The following AKT3 variants were observed in gnomAD, a reference collection of about 807,000 sequenced individuals.
The protein encoded by AKT3 is RAC-gamma serine/threonine-protein kinase.
AKT3 carries 15 observed loss-of-function variants against 65.3 expected under a neutral mutation model. That is an observed-to-expected ratio of 0.23 (90% CI 0.15 to 0.35). AKT3 has a LOEUF of 0.35. Among genes scored for constraint, AKT3 ranks in the 10% least tolerant of loss-of-function variants. The pLI is 1.00. For synonymous variants in AKT3, 206 were observed against 183.8 expected (o/e 1.12, Z -0.98); for missense variants, 243 against 576.5 (o/e 0.42, Z 5.92).
intron 8 of AKT3, among the ~76,000 whole-genome samples, chr1:243,591,273 G>A (rs901855785): frequency 2.6e-5 from 4 of 152,118 alleles, no homozygotes; most frequent in African/African-American, 7.2e-5. Flanking sequence ...TTCTCACATG[G>A]CAAAATAGAA....
chr1:243,743,796 A>C (rs1029836760), intron 2 of AKT3, among the ~76,000 whole-genome samples: 1 of 152,130 alleles, frequency 6.6e-6, no homozygotes. Context: ...GATTGCTTAC[A>C]CCCAGGAGTT....
intron 3 of AKT3, among the ~76,000 whole-genome samples, chr1:243,693,665 G>A (rs998602661): frequency 1.4e-4 from 21 of 152,018 alleles, no homozygotes; most frequent in African/African-American, 4.6e-4. Context: ...CCTATTACTT[G>A]CAGCTTGCGG....
chr1:243,568,802 C>A (rs1275814022), intron 9 of AKT3, among the ~76,000 whole-genome samples: 1 of 152,152 alleles, frequency 6.6e-6, no homozygotes, highest in Non-Finnish European at 1.5e-5. Context: ...AACTCACTGG[C>A]CTGGAAGCTT....
intron 2 of AKT3, among the ~76,000 whole-genome samples, chr1:243,709,322 T>C (rs182502534): frequency 2.0e-5 from 3 of 148,422 alleles, no homozygotes; most frequent in East Asian, 2.0e-4. Context: ...TGAAGGAAGA[T>C]AAAAATTATT....
intron 10 of AKT3, 38 bp from the exon 11 acceptor site, chr1:243,552,981 G>T: frequency 2.8e-6 from 4 of 1,444,178 alleles, no homozygotes; most frequent in Non-Finnish European, 3.8e-6. Flanking sequence ...ATTATTACAT[G>T]TTAACTTTTA....
intron 8 of AKT3, among the ~76,000 whole-genome samples, chr1:243,574,227 C>T (rs1268255711): frequency 6.6e-6 from 1 of 151,936 alleles, no homozygotes; most frequent in Non-Finnish European, 1.5e-5. Context: ...AAACAGGTTC[C>T]CTATAAATTC....
At chr1:243,686,605 C>T (rs1229942860) in intron 3 of AKT3, among the ~76,000 whole-genome samples, 3 of 104,314 alleles carry the variant, frequency 2.9e-5, no homozygotes, top group African/African-American at 1.1e-4. Flanking sequence ...ATTTGGATAG[C>T]ATTTTACAAC....
intron 2 of AKT3, among the ~76,000 whole-genome samples, chr1:243,779,298 G>T (rs1185553574): frequency 6.6e-6 from 1 of 152,014 alleles, no homozygotes; most frequent in Non-Finnish European, 1.5e-5. Flanking sequence ...GATATATATT[G>T]TCAAACCGTC....
chr1:243,659,195 T>C (rs1286556563), intron 4 of AKT3, among the ~76,000 whole-genome samples: 2 of 152,222 alleles, frequency 1.3e-5, no homozygotes, highest in African/African-American at 4.8e-5. Flanking sequence ...TGATTCCACT[T>C]ATGTGATGTG....
intron 3 of AKT3, among the ~76,000 whole-genome samples, chr1:243,671,061 G>A (rs1683122946): frequency 6.6e-6 from 1 of 151,598 alleles, no homozygotes. Flanking sequence ...GAAAAACGAA[G>A]GCATAATAAT....
At chr1:243,695,932 C>G (rs1434010999) in intron 2 of AKT3, among the ~76,000 whole-genome samples, 1 of 151,952 alleles carries the variant, frequency 6.6e-6, no homozygotes, top group Admixed American at 6.6e-5. Context: ...TGATTTCACA[C>G]TTTGATAATT....
chr1:243,540,371 C>T (rs1024598601), intron 12 of AKT3, among the ~76,000 whole-genome samples: 1 of 152,008 alleles, frequency 6.6e-6, no homozygotes, highest in African/African-American at 2.4e-5. Context: ...GCAGAAAAAG[C>T]TTTAATAAAA....
chr1:243,541,092 G>A (rs1054823602), intron 12 of AKT3, among the ~76,000 whole-genome samples: 1 of 152,180 alleles, frequency 6.6e-6, no homozygotes, highest in Non-Finnish European at 1.5e-5. Flanking sequence ...GATATCTTGA[G>A]AGTATGGAAA....
chr1:243,679,250 T>TG (rs894115579), intron 3 of AKT3, among the ~76,000 whole-genome samples: 18 of 152,326 alleles, frequency 1.2e-4, no homozygotes, highest in African/African-American at 4.3e-4. Flanking sequence ...TAGCTAAGTT[T>TG]GGGGGAGTCA....
intron 13 of AKT3, among the ~76,000 whole-genome samples, chr1:243,494,282 A>G (rs1002600525): frequency 6.6e-6 from 1 of 152,218 alleles, no homozygotes; most frequent in Non-Finnish European, 1.5e-5. Context: ...ACACTGATAC[A>G]TTCCCAGAAA....
intron 3 of AKT3, among the ~76,000 whole-genome samples, chr1:243,670,262 G>A (rs969133899): frequency 1.3e-5 from 2 of 152,058 alleles, no homozygotes; most frequent in Non-Finnish European, 2.9e-5. Flanking sequence ...GTGGTAGTTG[G>A]ATCACTACCA....
At chr1:243,541,411 G>A (rs1311536852) in intron 12 of AKT3, among the ~76,000 whole-genome samples, 54 of 145,816 alleles carry the variant, frequency 3.7e-4, no homozygotes, top group Non-Finnish European at 1.5e-5. Context: ...AGCTTGGGCT[G>A]TTTTCTAGGT....
rs1295534938 is a variant in AKT3, at chr1:243,732,816, A to T, written c.47-37100T>A. ...TCCAAACAGCAGCCTTTGAGAGGAG[A>T]ATAGACTGCAAATTTATTGAGAGAA... is the stretch of plus-strand genomic sequence containing the variant. On this transcript the variant is annotated intron_variant, in intron 2 of 13. Transcript: ENST00000673466. Among the ~76,000 whole-genome samples, 3 of 152,214 alleles carry T rather than the reference A, an allele frequency of 2.0e-5. No individual in the cohort carries two copies. The East Asian group carries it at 5.8e-4, about 29-fold the overall frequency.
At chr1:243,837,708 C>G (rs1430616547) in intron 2 of AKT3, among the ~76,000 whole-genome samples, 1 of 152,082 alleles carries the variant, frequency 6.6e-6, no homozygotes, top group African/African-American at 2.4e-5. Context: ...ATGATAAAAA[C>G]TCTCCGAACT....
Sources: gnomAD v4.1 joint callset for allele counts (sites outside exome capture counted in the v4.1 genomes callset) on GRCh38, gnomAD v4.1.1 for gene constraint, MANE v1.5 for transcripts, NCBI Gene and HGNC (gene_info 2026-07-23, HGNC 2026-07-21) for gene names.